RIC8B: variants seen among roughly 807,000 people sequenced by gnomAD.
RIC8B encodes the protein RIC8 guanine nucleotide exchange factor B.
A neutral mutation model predicts 57.5 loss-of-function variants in RIC8B; 16 were observed. The observed-to-expected ratio is 0.28, with a 90% CI of 0.19 to 0.42. The LOEUF (loss-of-function observed/expected upper bound fraction) is 0.42. RIC8B is among the 10% of genes least tolerant of loss of function. RIC8B has a pLI of 1.00. For synonymous variants in RIC8B, 216 were observed against 250.8 expected (o/e 0.86, Z 1.31); for missense variants, 481 against 677.0 (o/e 0.71, Z 3.21).
chr12:106,843,518 C>T (rs1370706882), intron 5 of RIC8B, among the ~76,000 whole-genome samples: 3 of 151,406 alleles, frequency 2.0e-5, no homozygotes, highest in Admixed American at 6.6e-5. Flanking sequence ...GTCAGGAGAT[C>T]GAGACCATCC....
At chr12:106,776,835 G>C (rs911944825) in intron 1 of RIC8B, among the ~76,000 whole-genome samples, 5 of 152,206 alleles carry the variant, frequency 3.3e-5, no homozygotes, top group Non-Finnish European at 5.9e-5. Flanking sequence ...GCTCTGACTA[G>C]ATGTGAACTG....
At chr12:106,811,223 G>A (rs919723193) in intron 2 of RIC8B, among the ~76,000 whole-genome samples, 1 of 152,244 alleles carries the variant, frequency 6.6e-6, no homozygotes, top group Non-Finnish European at 1.5e-5. Context: ...TGTGCTAATG[G>A]TTTTCAAGTC....
At position 106,824,110 on chromosome 12, in the gene RIC8B, CT is replaced by C. The variant is rs146708826; in HGVS notation, c.742-1615del. On this transcript the variant is annotated intron_variant, in intron 3 of 9. Coordinates refer to ENST00000392837, the MANE Select transcript of RIC8B (RefSeq NM_001330145.2). ...TCCTCTTTGTTTTTCCCCTTTCCCC[CT>C]ACAATGATTTATCATTTGTTTCAGC... 4.9e-3 allele frequency among the ~76,000 whole-genome samples: 752 copies of C among 152,310 alleles called. 4 individuals carry two copies. The highest frequency in any genetic ancestry group is 0.017 in the African/African-American group (724 of 41,568).
chr12:106,878,970 C>T (rs922497662), intron 9 of RIC8B: 2 of 985,596 alleles, frequency 2.0e-6, no homozygotes, highest in South Asian at 9.4e-5. Context: ...GTTTGCATGA[C>T]TGTTGTTTCA....
At chr12:106,774,869 C>A in intron 1 of RIC8B, 40 bp downstream of exon 1, 2 of 1,461,272 alleles carry the variant, frequency 1.4e-6, no homozygotes, top group South Asian at 1.2e-5. Context: ...ATCGCACCCC[C>A]GGGCCGCCCT....
chr12:106,889,296 T>C lies in RIC8B; in HGVS notation c.*3281T>C, dbSNP rs1181353780. 2 of 152,106 alleles carry C rather than the reference T, an allele frequency of 1.3e-5. No homozygotes were observed. Among genetic ancestry groups the C allele is most frequent in the Admixed American group, 1.3e-4 (2 of 15,272 alleles). The allele number at this position is 152,106 out of a possible 1,614,324, so 9.4% of individuals were successfully genotyped here. A position where few individuals can be genotyped will look rare whatever the true frequency, so the allele number is the denominator to read the frequency against. ...TATTGTGAGCATTTTCCCATGTCAA[T>C]AAATATTCTTCAAAAAGTAATGGCT... On this transcript the variant is annotated 3_prime_UTR_variant, in exon 10 of 10. Transcript: ENST00000392837.
At position 106,792,027 on chromosome 12, in the gene RIC8B, C is replaced by G. The variant is rs115744602; in HGVS notation, c.132+7983C>G. Among the ~76,000 whole-genome samples, 480 of 152,246 alleles carry G rather than the reference C, an allele frequency of 3.2e-3. 1 individual carries two copies. The highest frequency in any genetic ancestry group is 0.011 in the African/African-American group (470 of 41,560). ...ACTCAAAATTTATTTGGTGTCTTTG[C>G]TTGAGGGAATGTTTTGTTACATAGT... On this transcript the variant is annotated intron_variant, in intron 2 of 9. Transcript: ENST00000392837.
intron 4 of RIC8B, among the ~76,000 whole-genome samples, chr12:106,833,198 T>A (rs2046433095): frequency 6.6e-6 from 1 of 152,186 alleles, no homozygotes; most frequent in African/African-American, 2.4e-5. Flanking sequence ...TATATATATA[T>A]GCTGCTAAAC....
At chr12:106,815,822 G>A (rs2045551056) in intron 3 of RIC8B, among the ~76,000 whole-genome samples, 1 of 152,144 alleles carries the variant, frequency 6.6e-6, no homozygotes, top group Admixed American at 6.5e-5. Flanking sequence ...AACTATCAGA[G>A]GCATAGGACC....
At position 106,803,215 on chromosome 12, in the gene RIC8B, C is replaced by CAAAAAAAAAAAAAAA. The variant is rs55853235; in HGVS notation, c.133-11472_133-11458dup. On this transcript the variant is annotated intron_variant, in intron 2 of 9. Transcript: ENST00000392837. ...TGACAAGAGTGATGATACCCTGTCTCAAAAAAAAAAAAAAAAAAAAAAAGC... is the reference window on the plus strand; with the variant it reads ...TGACAAGAGTGATGATACCCTGTCTCAAAAAAAAAAAAAAAAAAAAAAAAAAAAAAAAAAAAAAGC... Among the ~76,000 whole-genome samples the CAAAAAAAAAAAAAAA allele has an allele frequency of 9.6e-4, 81 of 84,006 alleles. 2 individuals are homozygous for CAAAAAAAAAAAAAAA. The highest frequency in any genetic ancestry group is 2.8e-3 in the African/African-American group (57 of 20,276). 55.1% of individuals were successfully genotyped at this position (84,006 alleles called of 152,430 possible). A position where few individuals can be genotyped will look rare whatever the true frequency, so the allele number is the denominator to read the frequency against.
chr12:106,873,806 G>C lies in RIC8B; in HGVS notation c.1571+2864G>C, dbSNP rs577003949. Among the ~76,000 whole-genome samples, 6 of 152,200 alleles carry C rather than the reference G, an allele frequency of 3.9e-5. No individual in the cohort carries two copies. In the South Asian group the frequency reaches 1.2e-3, roughly 32 times the overall value. The stretch of plus-strand genomic sequence containing the variant: ...AGTTCATTCTGTCTGGATGATTCAG[G>C]GACTGTTTCACAGGAAAGCTAGCAT... On this transcript the variant is annotated intron_variant, in intron 9 of 9. Transcript: ENST00000392837.
chr12:106,794,232 G>A (rs1030823237), intron 2 of RIC8B, among the ~76,000 whole-genome samples: 1 of 152,048 alleles, frequency 6.6e-6, no homozygotes, highest in Non-Finnish European at 1.5e-5. Context: ...AAGCAAACCT[G>A]AAGACACAGC....
intron 9 of RIC8B, among the ~76,000 whole-genome samples, chr12:106,878,606 T>A (rs1950778330): frequency 6.6e-6 from 1 of 152,160 alleles, no homozygotes; most frequent in Non-Finnish European, 1.5e-5. Context: ...AATGGCTAAT[T>A]TAAACTGTCA....
At chr12:106,819,335 G>A (rs778817689) in intron 3 of RIC8B, among the ~76,000 whole-genome samples, 8 of 152,100 alleles carry the variant, frequency 5.3e-5, no homozygotes, top group Non-Finnish European at 1.0e-4. Context: ...AATATAGGTT[G>A]TAATTAAGAT....
intron 8 of RIC8B, 95 bp downstream of exon 8, chr12:106,860,507 G>C (rs1949885572): frequency 9.7e-7 from 1 of 1,035,454 alleles, no homozygotes; most frequent in Non-Finnish European, 1.3e-6. Flanking sequence ...CTTTTCTCTT[G>C]TGGATTTGGA....
chr12:106,815,801 T>C (rs2045549896), intron 3 of RIC8B, among the ~76,000 whole-genome samples: 1 of 152,226 alleles, frequency 6.6e-6, no homozygotes, highest in Non-Finnish European at 1.5e-5. Context: ...GGTTTCTCTG[T>C]AGTGTTAGAT....
intron 3 of RIC8B, among the ~76,000 whole-genome samples, chr12:106,824,577 A>G (rs1336522411): frequency 6.6e-6 from 1 of 152,172 alleles, no homozygotes; most frequent in Non-Finnish European, 1.5e-5. Context: ...ATATCACTTC[A>G]CATGGACTTG....
intron 7 of RIC8B, among the ~76,000 whole-genome samples, chr12:106,859,033 T>C (rs973310611): frequency 6.6e-6 from 1 of 152,116 alleles, no homozygotes; most frequent in African/African-American, 2.4e-5. Context: ...TCCAGCTCTA[T>C]TTTGTCTTTT....
At chr12:106,874,876 T>G (rs959510064) in intron 9 of RIC8B, among the ~76,000 whole-genome samples, 2 of 152,142 alleles carry the variant, frequency 1.3e-5, no homozygotes, top group Non-Finnish European at 2.9e-5. Context: ...GATAAGGTGA[T>G]TGGCAGTGCA....
Sources: gnomAD v4.1 joint callset for allele counts (sites outside exome capture counted in the v4.1 genomes callset) on GRCh38, gnomAD v4.1.1 for gene constraint, MANE v1.5 for transcripts, NCBI Gene and HGNC (gene_info 2026-07-23, HGNC 2026-07-21) for gene names.